Variants in NCKAP5 observed in about 807,000 individuals in gnomAD.
NCKAP5 encodes NCK associated protein 5, also known as nck-associated protein 5.
Under a neutral mutation model 167.0 loss-of-function variants are expected in NCKAP5, and 92 were observed. That is an observed-to-expected ratio of 0.55 (90% CI 0.47 to 0.66). The LOEUF (loss-of-function observed/expected upper bound fraction) is 0.66, where lower values mean the gene tolerates loss of function less well. Among genes scored for constraint, NCKAP5 ranks in the 30% least tolerant of loss-of-function variants. NCKAP5 has a pLI of 0.00. For synonymous variants in NCKAP5, 891 were observed against 877.4 expected, an observed-to-expected ratio of 1.02 and a Z score of -0.27; for missense variants, 2,378 against 2,315.0, an observed-to-expected ratio of 1.03 and a Z score of -0.56.
chr2:132,708,623 G>C (rs1688573658), intron 19 of NCKAP5, among the ~76,000 whole-genome samples: 1 of 152,182 alleles, frequency 6.6e-6, no homozygotes, highest in Non-Finnish European at 1.5e-5. Context: ...CTGAGGATGG[G>C]GGAAACTCAC....
In NCKAP5 at chr2:132,897,985, G is replaced by A. The variant is rs116151561; in HGVS notation, c.580-19069C>T. Among the ~76,000 whole-genome samples, 287 of 152,214 alleles carry A rather than the reference G, an allele frequency of 1.9e-3. 1 individual carries two copies. The highest frequency in any genetic ancestry group is 6.0e-3 in the African/African-American group (251 of 41,528). On this transcript the variant is annotated intron_variant, in intron 8 of 19. Transcript: ENST00000409261. ...TCCTTAAAACAAGACAACAATAAAG[G>A]TTGCAGCATCAATTGACTCTTCCTT...
chr2:132,673,513 A>G (rs1684013316), intron 19 of NCKAP5, among the ~76,000 whole-genome samples: 1 of 152,206 alleles, frequency 6.6e-6, no homozygotes, highest in African/African-American at 2.4e-5. Context: ...ACTGAGATAA[A>G]TAGGTCCCAA....
chr2:133,462,723 G>A (rs1231894077), intron 3 of NCKAP5, among the ~76,000 whole-genome samples: 2 of 152,132 alleles, frequency 1.3e-5, no homozygotes, highest in Non-Finnish European at 2.9e-5. Flanking sequence ...AGTAAGTTAT[G>A]ATGATGACAG....
At chr2:132,790,931 A>G (rs1684019455) in intron 12 of NCKAP5, among the ~76,000 whole-genome samples, 1 of 152,180 alleles carries the variant, frequency 6.6e-6, no homozygotes, top group Admixed American at 6.5e-5. Flanking sequence ...AGAATATCAA[A>G]TCAGTATCAA....
At chr2:132,732,116 T>C (rs774548148) in intron 16 of NCKAP5, 65 bp from the exon 17 acceptor site, 43 of 1,435,672 alleles carry the variant, frequency 3.0e-5, no homozygotes, top group Non-Finnish European at 3.9e-5. Context: ...AAAAGAATCA[T>C]GGAAATTGGG....
chr2:132,886,765 C>T (rs1272423096), intron 8 of NCKAP5, among the ~76,000 whole-genome samples: 1 of 152,134 alleles, frequency 6.6e-6, no homozygotes, highest in Admixed American at 6.5e-5. Flanking sequence ...TCAGGAGGCA[C>T]ATGATACCAA....
chr2:133,312,185 G>A (rs1025533151), intron 3 of NCKAP5, among the ~76,000 whole-genome samples: 1 of 152,168 alleles, frequency 6.6e-6, no homozygotes, highest in Non-Finnish European at 1.5e-5. Context: ...AATTTCATCA[G>A]TATGAATTAA....
At chr2:132,701,789 C>T (rs769983102) in intron 19 of NCKAP5, among the ~76,000 whole-genome samples, 1 of 152,176 alleles carries the variant, frequency 6.6e-6, no homozygotes, top group Non-Finnish European at 1.5e-5. Context: ...ATGTCTATGA[C>T]TTGTTCCCTC....
intron 3 of NCKAP5, among the ~76,000 whole-genome samples, chr2:133,475,833 T>C (rs2151298128): frequency 6.6e-6 from 1 of 152,344 alleles, no homozygotes; most frequent in South Asian, 2.1e-4. Flanking sequence ...ATCAATATTC[T>C]CTTATCATAA....
chr2:132,769,518 A>C (rs199921301), intron 16 of NCKAP5, among the ~76,000 whole-genome samples: 1 of 76,390 alleles, frequency 1.3e-5, no homozygotes, highest in Non-Finnish European at 2.9e-5. Context: ...TATCAGGGTG[A>C]AAATATATAT....
At chr2:132,690,620 A>G (rs777324720) in intron 19 of NCKAP5, among the ~76,000 whole-genome samples, 4 of 152,198 alleles carry the variant, frequency 2.6e-5, no homozygotes, top group South Asian at 2.1e-4. Context: ...AGAACCTACA[A>G]CTTTAAGCAA....
intron 5 of NCKAP5, among the ~76,000 whole-genome samples, chr2:133,163,388 G>T (rs575704885): frequency 1.5e-4 from 23 of 152,270 alleles, no homozygotes; most frequent in African/African-American, 5.3e-4. Flanking sequence ...AAGCCTTCTT[G>T]CTCCTGAGCT....
chr2:133,326,637 A>C (rs1682474272), intron 3 of NCKAP5, among the ~76,000 whole-genome samples: 2 of 145,760 alleles, frequency 1.4e-5, no homozygotes, highest in South Asian at 4.6e-4. Context: ...AATTCTGGAC[A>C]TTATGGTTAT....
intron 8 of NCKAP5, among the ~76,000 whole-genome samples, chr2:132,947,722 G>C (rs190140460): frequency 1.3e-4 from 20 of 152,268 alleles, no homozygotes; most frequent in Admixed American, 1.1e-3. Context: ...CCACCGTAGA[G>C]AGGACACTTG....
the NCKAP5 span, chr2:133,596,034 A>G: frequency 6.6e-6 from 1 of 152,184 alleles, no homozygotes; most frequent in African/African-American, 2.4e-5. Context: ...TTAAAAATAA[A>G]ATTATTTTCC....
At chr2:133,012,585 T>C (rs566942914) in intron 6 of NCKAP5, among the ~76,000 whole-genome samples, 2 of 152,244 alleles carry the variant, frequency 1.3e-5, no homozygotes, top group African/African-American at 4.8e-5. Flanking sequence ...CAATGGCTTT[T>C]TCTGCATCTT....
chr2:132,899,033 A>G (rs1693419405), intron 8 of NCKAP5, among the ~76,000 whole-genome samples: 1 of 152,230 alleles, frequency 6.6e-6, no homozygotes, highest in African/African-American at 2.4e-5. Flanking sequence ...TGAAAATCCT[A>G]GATGGCCTCT....
At chr2:133,648,419 C>T in the NCKAP5 span, among the ~76,000 whole-genome samples, 1 of 152,098 alleles carries the variant, frequency 6.6e-6, no homozygotes, top group African/African-American at 2.4e-5. Context: ...ATCTAACAGA[C>T]ATATACCAAA....
At chr2:132,909,974 C>A (rs1465070855) in intron 8 of NCKAP5, among the ~76,000 whole-genome samples, 1 of 152,078 alleles carries the variant, frequency 6.6e-6, no homozygotes, top group Non-Finnish European at 1.5e-5. Context: ...GTCATTATGC[C>A]CATTTTACAG....
Sources: gnomAD v4.1 joint callset for allele counts (sites outside exome capture counted in the v4.1 genomes callset) on GRCh38, gnomAD v4.1.1 for gene constraint, MANE v1.5 for transcripts, NCBI Gene and HGNC (gene_info 2026-07-23, HGNC 2026-07-21) for gene names.